NDC80: variants seen among roughly 807,000 people sequenced by gnomAD.
NDC80 encodes the protein NDC80 kinetochore complex component.
A neutral mutation model predicts 89.3 loss-of-function variants in NDC80; 69 were observed. The ratio of observed to expected loss-of-function variants is 0.77; its 90% CI spans 0.64 to 0.94. NDC80 has a LOEUF of 0.94. NDC80 is among the 40% of genes least tolerant of loss of function. The pLI is 0.00. For missense variants in NDC80, 593 were observed against 739.6 expected, an observed-to-expected ratio of 0.80 and a Z score of 2.30; for synonymous variants, 243 against 255.6, an observed-to-expected ratio of 0.95 and a Z score of 0.47.
At chr18:2,581,874 TTAACAAAATCTTGTGA>T (rs1367656463) in intron 6 of NDC80, among the ~76,000 whole-genome samples, 1 of 152,212 alleles carries the variant, frequency 6.6e-6, no homozygotes, top group Non-Finnish European at 1.5e-5. Flanking sequence ...TTTTCAGATT[TTAACAAAATCTTGTGA>T]TTTTGTTATT....
At chr18:2,576,250 A>G (rs1056926547) in intron 3 of NDC80, among the ~76,000 whole-genome samples, 7 of 152,366 alleles carry the variant, frequency 4.6e-5, no homozygotes, top group Non-Finnish European at 8.8e-5. Flanking sequence ...ACTGAGAAAA[A>G]TTTAAAATAT....
At chr18:2,578,667 A>G (rs1032220679) in intron 5 of NDC80, among the ~76,000 whole-genome samples, 34 of 152,190 alleles carry the variant, frequency 2.2e-4, no homozygotes, top group African/African-American at 8.0e-4. Flanking sequence ...AGGGAACAAA[A>G]GATGTTTTGG....
chr18:2,607,395 C>A (rs2072717519), intron 14 of NDC80, among the ~76,000 whole-genome samples: 1 of 152,078 alleles, frequency 6.6e-6, no homozygotes, highest in Non-Finnish European at 1.5e-5. Context: ...AAATAAGGAC[C>A]TAGATAAGGC....
In NDC80 at chr18:2,608,755, ACAAG is replaced by A; in HGVS notation, c.1616_1619del (p.Lys539ThrfsTer3). The A allele has an allele frequency of 6.2e-7, 1 of 1,613,364 alleles. No individual in the cohort carries two copies. Among genetic ancestry groups the A allele is most frequent in the South Asian group, 1.1e-5 (1 of 91,030 alleles). On this transcript the variant is annotated frameshift_variant, in exon 15 of 17. Transcript: ENST00000261597. LOFTEE classifies it high-confidence loss of function. ...AGTGAGCTTGAGTCCTTGGAGAAAC[ACAAG>A]CACCTGCTAGAAAGTACTGTTAACC...
At chr18:2,588,013 T>C in intron 8 of NDC80, 90 bp downstream of exon 8, 1 of 957,088 alleles carries the variant, frequency 1.0e-6, no homozygotes, top group Non-Finnish European at 1.6e-6. Context: ...AGTGTTCATA[T>C]GAGCTACTTA....
intron 10 of NDC80, among the ~76,000 whole-genome samples, chr18:2,591,112 T>G (rs1427458293): frequency 1.3e-5 from 2 of 152,118 alleles, no homozygotes; most frequent in African/African-American, 2.4e-5. Context: ...CACTACCGCC[T>G]AAGCACCTCA....
chr18:2,585,675 T>A (rs541263064), intron 7 of NDC80, among the ~76,000 whole-genome samples: 1 of 151,880 alleles, frequency 6.6e-6, no homozygotes, highest in Non-Finnish European at 1.5e-5. Flanking sequence ...ATTATAAATT[T>A]GTTTTTTTTA....
chr18:2,592,735 C>T (rs1045810641), intron 10 of NDC80, among the ~76,000 whole-genome samples: 2 of 152,128 alleles, frequency 1.3e-5, no homozygotes, highest in Admixed American at 1.3e-4. Context: ...TTTACTTTAT[C>T]TAACCATGAA....
intron 14 of NDC80, 83 bp from the exon 15 acceptor site, chr18:2,608,617 C>T: frequency 6.5e-6 from 9 of 1,379,244 alleles, no homozygotes; most frequent in Non-Finnish European, 8.8e-6. Flanking sequence ...TATTTAAGTG[C>T]TTTTTATAAT....
intron 11 of NDC80, among the ~76,000 whole-genome samples, chr18:2,596,386 A>G (rs1313949530): frequency 6.6e-6 from 1 of 152,018 alleles, no homozygotes; most frequent in African/African-American, 2.4e-5. Flanking sequence ...GACACTTCTC[A>G]AAAGAAGACA....
At position 2,606,424 on chromosome 18, in the gene NDC80, A is replaced by G. The variant is rs773922066; in HGVS notation, c.1474A>G (p.Met492Val). The change falls in exon 14 of 17, where the codon ATG (methionine) becomes GTG (valine). Residue 492 changes from methionine (M) to valine (V), a missense_variant. Met to Val is a conservative substitution (Grantham distance 21). Transcript: ENST00000261597. ...AGTTTTATTTCCCCAGTTGAATGCA[A>G]TGATAACAGAAAGCAAGAGAAGTGT... ...LEDTLEQLNAMITESKRSVRT... is the reference protein window; with the variant it reads ...LEDTLEQLNAVITESKRSVRT... The G allele has an allele frequency of 9.4e-6, 15 of 1,599,710 alleles. No homozygotes were observed. Among genetic ancestry groups the G allele is most frequent in the Non-Finnish European group, 1.2e-5 (14 of 1,172,820 alleles).
chr18:2,609,620 A>T (rs193151950), intron 15 of NDC80, among the ~76,000 whole-genome samples: 1 of 152,344 alleles, frequency 6.6e-6, no homozygotes. Flanking sequence ...TACAATAAAT[A>T]TGGGACCCTT....
intron 12 of NDC80, among the ~76,000 whole-genome samples, 196 bp from the exon 13 acceptor site, chr18:2,601,200 C>T (rs2072682265): frequency 1.3e-5 from 2 of 152,110 alleles, no homozygotes; most frequent in Admixed American, 6.5e-5. Context: ...AAACCAAAAG[C>T]AGGTTATAGT....
Position 2,573,012 on chromosome 18 carries a change from T to A in NDC80, c.27T>A (p.Gly9=). Residue 9 remains glycine (G), a synonymous_variant, in exon 2 of 17, where the codon GGT becomes GGA. Coordinates refer to ENST00000261597, the MANE Select transcript of NDC80 (RefSeq NM_006101.3). ...TGAAGCGCAGTTCAGTTTCCAGCGGTGGTGCTGGCCGCCTCTCCATGCAGG... is the reference window on the plus strand; with the variant it reads ...TGAAGCGCAGTTCAGTTTCCAGCGGAGGTGCTGGCCGCCTCTCCATGCAGG... MKRSSVSS[G]GAGRLSMQEL... 6.2e-7 allele frequency: 1 copy of A among 1,614,100 alleles called. No individual in the cohort carries two copies. Among genetic ancestry groups the A allele is most frequent in the South Asian group, 1.1e-5 (1 of 91,084 alleles).
intron 13 of NDC80, among the ~76,000 whole-genome samples, chr18:2,603,383 C>G (rs1193498609): frequency 1.1e-3 from 103 of 92,518 alleles, no homozygotes; most frequent in African/African-American, 4.7e-3. Context: ...ATATATACAC[C>G]TATGTAATAT....
At chr18:2,586,765 T>C (rs997605279) in intron 7 of NDC80, among the ~76,000 whole-genome samples, 2 of 152,090 alleles carry the variant, frequency 1.3e-5, no homozygotes, top group African/African-American at 4.8e-5. Context: ...ACATCCATCC[T>C]AAAGGTTAAA....
chr18:2,589,125 G>A (rs1014181789), intron 8 of NDC80, 79 bp from the exon 9 acceptor site: 1 of 866,388 alleles, frequency 1.2e-6, no homozygotes, highest in Non-Finnish European at 2.0e-6. Context: ...AAGTGAGGGA[G>A]GGAGTAATGG....
chr18:2,583,423 G>A (rs1342295369), intron 6 of NDC80, among the ~76,000 whole-genome samples: 7 of 152,126 alleles, frequency 4.6e-5, no homozygotes, highest in East Asian at 1.9e-4. Flanking sequence ...TGTGTTGGCC[G>A]GGCGCAGTAG....
In NDC80 at chr18:2,586,466, A is replaced by G. The variant is rs557803026; in HGVS notation, c.669+1264A>G. 5.8e-3 allele frequency among the ~76,000 whole-genome samples: 886 copies of G among 152,288 alleles called. 11 individuals are homozygous for G. Among genetic ancestry groups the G allele is most frequent in the African/African-American group, 0.02 (846 of 41,550 alleles). On this transcript the variant is annotated intron_variant, in intron 7 of 16. Coordinates refer to ENST00000261597, the MANE Select transcript of NDC80 (RefSeq NM_006101.3). ...AATGTCTTGCCAGACACAGTGGCTC[A>G]CACCTGTAATTCTAGCACTTTGGGA...
Sources: allele counts gnomAD v4.1 joint callset (sites outside exome capture counted in the v4.1 genomes callset), GRCh38; gene constraint gnomAD v4.1.1; transcripts MANE v1.5; gene names NCBI Gene and HGNC (gene_info 2026-07-23, HGNC 2026-07-21).